Variants in MAP3K13 observed in about 807,000 individuals in gnomAD.
MAP3K13 encodes mitogen-activated protein kinase kinase kinase 13.
Under a neutral mutation model 104.0 loss-of-function variants are expected in MAP3K13, and 52 were observed. That is an observed-to-expected ratio of 0.50 (90% CI 0.40 to 0.63). The LOEUF is 0.63. MAP3K13 is among the 20% of genes least tolerant of loss of function. The pLI, the probability that MAP3K13 is intolerant of heterozygous loss-of-function variation, is 0.00. For missense variants in MAP3K13, 914 were observed against 1,218.5 expected (o/e 0.75, Z 3.72); for synonymous variants, 394 against 442.2 (o/e 0.89, Z 1.37).
Position 185,418,673 on chromosome 3 carries a change from T to C in MAP3K13, c.-85-9824T>C, listed in dbSNP as rs899773398. ...AAGTTGGTGTGAACAAAGTTCACAA[T>C]ATCTGGTCGAATAGGAGCCTTGAAT... On this transcript the variant is annotated intron_variant, in intron 1 of 13. Coordinates refer to ENST00000265026, the MANE Select transcript of MAP3K13 (RefSeq NM_004721.5). The surrounding 1 kb of genome is among the most constrained non-coding windows in gnomAD (Gnocchi z 4.5). 4.8e-5 allele frequency: 77 copies of C among 1,611,716 alleles called. No homozygotes were observed. The Middle Eastern group carries it at 1.3e-3, about 27-fold the overall frequency.
chr3:185,352,051 A>G (rs1397604931), intron 2 of MAP3K13, among the ~76,000 whole-genome samples: 1 of 152,162 alleles, frequency 6.6e-6, no homozygotes, highest in Admixed American at 6.5e-5. Flanking sequence ...TCACTCACTC[A>G]CATCTCATTG....
rs549056309 is a variant in MAP3K13 at position 185,373,292 on chromosome 3, T to C, written c.-86+9924T>C. 1.6e-3 allele frequency among the ~76,000 whole-genome samples: 237 copies of C among 152,290 alleles called. 1 individual carries two copies. The highest frequency in any genetic ancestry group is 5.6e-3 in the African/African-American group (234 of 41,560). On this transcript the variant is annotated intron_variant, in intron 1 of 13. Transcript: ENST00000265026. ...ACAAAAATGTATCTTTGATACTTTT[T>C]CCAAATTCCTCAGATTCTCCTATTT...
intron 10 of MAP3K13, among the ~76,000 whole-genome samples, chr3:185,468,694 C>A (rs572399584): frequency 5.3e-5 from 8 of 152,188 alleles, no homozygotes; most frequent in African/African-American, 1.9e-4. Flanking sequence ...TAACTTCTAA[C>A]GAGTAACTAC....
chr3:185,299,614 C>T (rs1170209952), intron 2 of MAP3K13, among the ~76,000 whole-genome samples: 1 of 7,814 alleles, frequency 1.3e-4, no homozygotes, highest in South Asian at 4.1e-3. Flanking sequence ...GGCCGGACTG[C>T]GGACTGCAGT....
chr3:185,392,904 T>G (rs1712154204), intron 1 of MAP3K13, among the ~76,000 whole-genome samples: 1 of 151,606 alleles, frequency 6.6e-6, no homozygotes, highest in Non-Finnish European at 1.5e-5. Flanking sequence ...ATACAAAAAT[T>G]AGCTAGGCCT....
upstream of MAP3K13, among the ~76,000 whole-genome samples, chr3:185,360,698 A>G (rs1723567481): frequency 6.6e-6 from 1 of 152,132 alleles, no homozygotes; most frequent in South Asian, 2.1e-4. Context: ...GACTGTTATT[A>G]GAAGCATTTA....
At chr3:185,474,392 T>G (rs1162317519) in intron 11 of MAP3K13, among the ~76,000 whole-genome samples, 2 of 152,160 alleles carry the variant, frequency 1.3e-5, no homozygotes, top group African/African-American at 4.8e-5. Flanking sequence ...GAAACTACTA[T>G]GCTACAGCTC....
intron 2 of MAP3K13, among the ~76,000 whole-genome samples, chr3:185,290,416 A>T (rs994972226): frequency 6.6e-6 from 1 of 152,186 alleles, no homozygotes; most frequent in African/African-American, 2.4e-5. Context: ...TGACTGCTGA[A>T]ATGGATTCTA....
In MAP3K13 at chr3:185,437,568, A is replaced by T; in HGVS notation, c.597A>T (p.Glu199Asp). The stretch of plus-strand genomic sequence containing the variant: ...AGGTGGCCATCAAGAAAGTGAGAGA[A>T]CAGAATGAGACGGATATCAAGCATT... ...AEEVAIKKVR[E>D]QNETDIKHLR... Residue 199 changes from glutamate (E) to aspartate (D), a missense_variant, in exon 3 of 14, where the codon GAA becomes GAT. Glu to Asp is a conservative substitution (Grantham distance 45). Coordinates refer to ENST00000265026, the MANE Select transcript of MAP3K13 (RefSeq NM_004721.5). The T allele has an allele frequency of 6.2e-7, 1 of 1,613,734 alleles. No individual in the cohort carries two copies. Among genetic ancestry groups the T allele is most frequent in the Admixed American group, 1.7e-5 (1 of 59,992 alleles).
At chr3:185,366,777 A>T (rs1049101346) in intron 1 of MAP3K13, among the ~76,000 whole-genome samples, 23 of 152,224 alleles carry the variant, frequency 1.5e-4, no homozygotes, top group African/African-American at 5.1e-4. Flanking sequence ...CACATTAAAA[A>T]TTAAATTATC....
intron 1 of MAP3K13, among the ~76,000 whole-genome samples, chr3:185,402,044 T>C (rs1712844382): frequency 6.6e-6 from 1 of 152,190 alleles, no homozygotes; most frequent in Non-Finnish European, 1.5e-5. Context: ...ATGCAATCCA[T>C]CCCCTTCTGG....
chr3:185,353,719 T>G (rs1451262902), intron 2 of MAP3K13, among the ~76,000 whole-genome samples: 2 of 152,352 alleles, frequency 1.3e-5, no homozygotes, highest in Admixed American at 6.5e-5. Flanking sequence ...CTTCACTTGC[T>G]GTACTCACAC....
chr3:185,324,910 T>C (rs1490371675), intron 2 of MAP3K13, among the ~76,000 whole-genome samples: 1 of 152,188 alleles, frequency 6.6e-6, no homozygotes, highest in Non-Finnish European at 1.5e-5. Flanking sequence ...GGTATTTTGT[T>C]CTCCTGACAT....
chr3:185,346,987 G>GTTTTTTTT (rs201877429), intron 2 of MAP3K13, among the ~76,000 whole-genome samples: 1 of 127,688 alleles, frequency 7.8e-6, no homozygotes. Flanking sequence ...CACAAAGGAA[G>GTTTTTTTT]TTTTTTTTTT....
chr3:185,363,115 C>G, upstream of MAP3K13: 1 of 984,676 alleles, frequency 1.0e-6, no homozygotes, highest in Non-Finnish European at 1.2e-6. Flanking sequence ...CTACTCTGGA[C>G]CCGCCCCTCT....
chr3:185,459,725 T>C lies in MAP3K13; in HGVS notation c.1279-3825T>C, dbSNP rs147288387. 2.0e-3 allele frequency among the ~76,000 whole-genome samples: 308 copies of C among 152,212 alleles called. 1 individual carries two copies. Among genetic ancestry groups the C allele is most frequent in the African/African-American group, 7.2e-3 (300 of 41,548 alleles). On this transcript the variant is annotated intron_variant, in intron 7 of 13. Transcript: ENST00000265026. ...TCAGCCTCCCAAAGTGCTGGGATTA[T>C]AGACATGAGCCACTCCACCCGGCCG...
At chr3:185,400,031 C>A (rs1247452738) in intron 1 of MAP3K13, among the ~76,000 whole-genome samples, 1 of 152,088 alleles carries the variant, frequency 6.6e-6, no homozygotes, top group Admixed American at 6.5e-5. Context: ...CCCCATTCGC[C>A]CTCCCTCCAT....
intron 7 of MAP3K13, among the ~76,000 whole-genome samples, chr3:185,455,775 T>TATATATATGAGATATATATATG (rs1716659764): frequency 1.5e-5 from 1 of 66,578 alleles, no homozygotes; most frequent in African/African-American, 6.3e-5. Flanking sequence ...ATATATATGA[T>TATATATATGAGATATATATATG]ATATATATGA....
At chr3:185,344,209 A>G (rs1722829805) in intron 2 of MAP3K13, among the ~76,000 whole-genome samples, 1 of 152,218 alleles carries the variant, frequency 6.6e-6, no homozygotes, top group South Asian at 2.1e-4. Flanking sequence ...ATAGAGGCAC[A>G]TGTGCCTAGT....
Sources: gnomAD v4.1 joint callset for allele counts (sites outside exome capture counted in the v4.1 genomes callset) on GRCh38, gnomAD v4.1.1 for gene constraint, Gnocchi (gnomAD v3.1) non-coding constraint, MANE v1.5 for transcripts, NCBI Gene and HGNC (gene_info 2026-07-23, HGNC 2026-07-21) for gene names.